CHTOP: variants seen among roughly 807,000 people sequenced by gnomAD.
CHTOP encodes the protein chromatin target of PRMT1.
Under a neutral mutation model 33.6 loss-of-function variants are expected in CHTOP, and 18 were observed. That is an observed-to-expected ratio of 0.54 (90% CI 0.37 to 0.80). CHTOP has a LOEUF of 0.80. Among genes scored for constraint, CHTOP ranks in the 30% least tolerant of loss-of-function variants. The probability of loss-of-function intolerance (pLI) is 0.00; values close to 1 mark genes in which losing one functional copy is unlikely to be tolerated. For synonymous variants in CHTOP, 117 were observed against 127.7 expected, an observed-to-expected ratio of 0.92 and a Z score of 0.56; for missense variants, 263 against 336.8, an observed-to-expected ratio of 0.78 and a Z score of 1.71.
chr1:153,643,295 G>T lies in CHTOP; in HGVS notation c.472G>T (p.Gly158Cys). Reference protein sequence around the residue: ...RMGLRRGGVRGRGGPGRGGLG... With the variant: ...RMGLRRGGVRCRGGPGRGGLG... ...GGGCTTAAGAAGAGGTGGTGTTCGA[G>T]GTCGTGGAGGTCCTGGGAGAGGGGG... The change falls in exon 5 of 6, where the codon GGT (glycine) becomes TGT (cysteine). Residue 158 changes from glycine to cysteine, a missense_variant. This residue lies in a region of CHTOP where 168 missense variants were observed against 179.9 expected (regional missense o/e 0.93). Coordinates refer to ENST00000368694, the MANE Select transcript of CHTOP (RefSeq NM_015607.4). 6.2e-7 allele frequency: 1 copy of T among 1,613,856 alleles called. No individual in the cohort carries two copies.
rs1044794724 is a variant in CHTOP, at chr1:153,636,625, A to T, written c.37A>T (p.Ser13Cys). 6.2e-7 allele frequency: 1 copy of T among 1,613,730 alleles called. No individual in the cohort carries two copies. The highest frequency in any genetic ancestry group is 8.5e-7 in the Non-Finnish European group (1 of 1,179,756). The stretch of plus-strand genomic sequence containing the variant: ...GTCAGCGCCGAAAGTTGTGCTAAAA[A>T]GCACCACCAAGATGTCTCTAAATGA... ...AQSAPKVVLKSTTKMSLNERF... is the reference protein window; with the variant it reads ...AQSAPKVVLKCTTKMSLNERF... The change falls in exon 2 of 6, where the codon AGC (serine) becomes TGC (cysteine). Residue 13 changes from serine to cysteine, a missense_variant. Coordinates refer to ENST00000368694, the MANE Select transcript of CHTOP (RefSeq NM_015607.4).
chr1:153,634,306 G>A lies in CHTOP; in HGVS notation c.-55G>A, dbSNP rs958415004. On this transcript the variant is annotated 5_prime_UTR_variant, in exon 1 of 6. Transcript: ENST00000368694. Reference sequence around the variant, plus strand: ...CCGGCCCGCCTGCCGGAGCCGTGGTGGCAGCCCCGGGAGGAGCACTGGCGT... The same window carrying A: ...CCGGCCCGCCTGCCGGAGCCGTGGTAGCAGCCCCGGGAGGAGCACTGGCGT... 6.5e-6 allele frequency: 1 copy of A among 152,934 alleles called. No individual in the cohort carries two copies. Among genetic ancestry groups the A allele is most frequent in the African/African-American group, 2.4e-5 (1 of 41,472 alleles). The allele number at this position is 152,934 out of a possible 1,614,324, so 9.5% of individuals were successfully genotyped here.
At chr1:153,638,923 C>G (rs1426350067) in intron 3 of CHTOP, among the ~76,000 whole-genome samples, 7 of 150,266 alleles carry the variant, frequency 4.7e-5, no homozygotes, top group Non-Finnish European at 1.0e-4. Flanking sequence ...CTCTGTCGCC[C>G]AGGCTGGAGT....
At chr1:153,638,955 A>C (rs900138357) in intron 3 of CHTOP, among the ~76,000 whole-genome samples, 1 of 148,178 alleles carries the variant, frequency 6.7e-6, no homozygotes, top group Admixed American at 6.9e-5. Flanking sequence ...ATCTCGGCTC[A>C]CTGCAAGCTC....
Position 153,634,083 on chromosome 1 carries a change from T to G in CHTOP, c.-278T>G, listed in dbSNP as rs1205728225. The G allele has an allele frequency of 2.0e-5, 3 of 152,802 alleles. No individual in the cohort carries two copies. Among genetic ancestry groups the G allele is most frequent in the Non-Finnish European group, 4.4e-5 (3 of 68,122 alleles). 9.5% of individuals were successfully genotyped at this position (152,802 alleles called of 1,614,324 possible). ...CACTGGACGTGGCGGCCATTTTGTTTTGGACACCGAGCAGGAGCTGGCGGC... is the reference window on the plus strand; with the variant it reads ...CACTGGACGTGGCGGCCATTTTGTTGTGGACACCGAGCAGGAGCTGGCGGC... On this transcript the variant is annotated 5_prime_UTR_variant, in exon 1 of 6. Transcript: ENST00000368694.
Position 153,640,250 on chromosome 1 carries a change from G to A in CHTOP, c.219+1802G>A, listed in dbSNP as rs998683418. ...AGCACTCTGGGAGGCCAAGGCAGGC[G>A]GATCACTTGAGGTCAGGAGTTTGAG... is the stretch of plus-strand genomic sequence containing the variant. On this transcript the variant is annotated intron_variant, in intron 3 of 5. Transcript: ENST00000368694. 2.6e-5 allele frequency among the ~76,000 whole-genome samples: 4 copies of A among 151,798 alleles called. 1 individual carries two copies. Among genetic ancestry groups the A allele is most frequent in the East Asian group, 3.9e-4 (2 of 5,160 alleles).
At position 153,645,094 on chromosome 1, in the gene CHTOP, G is replaced by T; in HGVS notation, c.572G>T (p.Gly191Val). Reference protein sequence around the residue: ...GRGMIGRGRGGFGGRGRGRGR... With the variant: ...GRGMIGRGRGVFGGRGRGRGR... ...GGTATGATAGGTCGGGGAAGAGGGGGCTTTGGAGGCCGAGGCCGAGGCCGT... is the reference window on the plus strand; with the variant it reads ...GGTATGATAGGTCGGGGAAGAGGGGTCTTTGGAGGCCGAGGCCGAGGCCGT... The change falls in exon 6 of 6, where the codon GGC becomes GTC. Residue 191 changes from glycine to valine, a missense_variant. Around this residue, in one of 3 missense-constraint regions of CHTOP, gnomAD observed 168 missense variants for 179.9 expected, o/e 0.93. Coordinates refer to ENST00000368694, the MANE Select transcript of CHTOP (RefSeq NM_015607.4). 1 of 1,613,374 alleles carries T rather than the reference G, an allele frequency of 6.2e-7. No homozygotes were observed. Among genetic ancestry groups the T allele is most frequent in the Admixed American group, 1.7e-5 (1 of 60,014 alleles).
intron 1 of CHTOP, among the ~76,000 whole-genome samples, chr1:153,635,173 C>T (rs149385274): frequency 5.8e-4 from 87 of 151,082 alleles, no homozygotes; most frequent in African/African-American, 2.0e-3. Context: ...CACTGTAGAT[C>T]AGTGGTTCTC....
chr1:153,638,171 A>C, intron 2 of CHTOP, 124 bp from the exon 3 acceptor site: 1 of 902,710 alleles, frequency 1.1e-6, no homozygotes. Context: ...GCCTTGATCT[A>C]AGTGTACCAC....
Position 153,641,727 on chromosome 1 carries a change from G to T in CHTOP, c.220-519G>T, listed in dbSNP as rs557865253. 2.6e-5 allele frequency among the ~76,000 whole-genome samples: 4 copies of T among 152,312 alleles called. No homozygotes were observed. The South Asian group carries it at 8.3e-4, about 32-fold the overall frequency. ...AAATGGAGCACACGGGCCTTTTTGA[G>T]AAATCAATCTTGTTCTTAAGTCACA... On this transcript the variant is annotated intron_variant, in intron 3 of 5. Transcript: ENST00000368694.
intron 4 of CHTOP, 126 bp downstream of exon 4, chr1:153,642,555 TCA>T (rs1668666128): frequency 1.4e-6 from 1 of 713,246 alleles, no homozygotes; most frequent in East Asian, 2.9e-5. Context: ...ACTTCTGAAA[TCA>T]CATATTTTTA....
rs1668571054 is a variant in CHTOP at position 153,640,264 on chromosome 1, C to T, written c.219+1816C>T. ...CCAAGGCAGGCGGATCACTTGAGGT[C>T]AGGAGTTTGAGACTAGCCTGGCCAA... is the stretch of plus-strand genomic sequence containing the variant. On this transcript the variant is annotated intron_variant, in intron 3 of 5. Transcript: ENST00000368694. Among the ~76,000 whole-genome samples, 11 of 150,794 alleles carry T rather than the reference C, an allele frequency of 7.3e-5. No individual in the cohort carries two copies. The South Asian group carries it at 2.1e-3, about 29-fold the overall frequency.
chr1:153,640,388 G>A (rs1330115357), intron 3 of CHTOP, among the ~76,000 whole-genome samples: 1 of 152,020 alleles, frequency 6.6e-6, no homozygotes, highest in African/African-American at 2.4e-5. Flanking sequence ...AGAATCTCTT[G>A]AACCCAGGAA....
At chr1:153,643,858 G>T in intron 5 of CHTOP, 1 of 152,556 alleles carries the variant, frequency 6.6e-6, no homozygotes, top group Non-Finnish European at 1.5e-5. Context: ...TTTGGTGCCT[G>T]TGGAGAACCA....
Position 153,642,377 on chromosome 1 carries a change from A to G in CHTOP, c.351A>G (p.Leu117=). Reference sequence around the variant, plus strand: ...AGAGAGGCTTGCCCAGAGGAGGACTACGTGGGGGACGTGCCACCAGAACCC... The same window carrying G: ...AGAGAGGCTTGCCCAGAGGAGGACTGCGTGGGGGACGTGCCACCAGAACCC... The part of the protein sequence containing the change: ...IIQRGLPRGG[L]RGGRATRTLL... Residue 117 remains leucine, a synonymous_variant, in exon 4 of 6, where the codon CTA becomes CTG. Transcript: ENST00000368694. The G allele has an allele frequency of 3.1e-6, 5 of 1,614,086 alleles. No individual in the cohort carries two copies.
At chr1:153,644,575 A>G (rs1185015132) in intron 5 of CHTOP, among the ~76,000 whole-genome samples, 1 of 152,244 alleles carries the variant, frequency 6.6e-6, no homozygotes, top group Non-Finnish European at 1.5e-5. Flanking sequence ...ATTAGACTTG[A>G]TAAGTTTAAG....
chr1:153,640,471 AAAT>A (rs201701142), intron 3 of CHTOP, among the ~76,000 whole-genome samples: 1 of 151,612 alleles, frequency 6.6e-6, no homozygotes, highest in East Asian at 1.9e-4. Flanking sequence ...TGTCTCAAGA[AAAT>A]AAGTAAAATT....
intron 1 of CHTOP, among the ~76,000 whole-genome samples, chr1:153,636,193 T>G (rs1668391572): frequency 6.6e-6 from 1 of 151,076 alleles, no homozygotes; most frequent in East Asian, 2.0e-4. Context: ...CCTCCCAAAG[T>G]GTTAGGGTTA....
chr1:153,645,150 G>A lies in CHTOP; in HGVS notation c.628G>A (p.Val210Ile). The change falls in exon 6 of 6, where the codon GTA becomes ATA. Residue 210 changes from valine to isoleucine, a missense_variant. Val to Ile is a conservative substitution (Grantham distance 29, BLOSUM62 3). This residue lies in a region of CHTOP where 168 missense variants were observed against 179.9 expected (regional missense o/e 0.93). Transcript: ENST00000368694. The stretch of plus-strand genomic sequence containing the variant: ...AGGGAGAGGTGCCCTTGCTCGCCCT[G>A]TATTGACCAAGGAGCAGCTGGACAA... Reference protein sequence around the residue: ...GRGRGALARPVLTKEQLDNQL... With the variant: ...GRGRGALARPILTKEQLDNQL... 1 of 1,614,094 alleles carries A rather than the reference G, an allele frequency of 6.2e-7. No homozygotes were observed. The highest frequency in any genetic ancestry group is 1.1e-5 in the South Asian group (1 of 91,078).
Sources: gnomAD v4.1 joint callset for allele counts (sites outside exome capture counted in the v4.1 genomes callset) on GRCh38, gnomAD v4.1.1 for gene constraint, gnomAD v4.1.1 regional missense constraint, MANE v1.5 for transcripts, NCBI Gene and HGNC (gene_info 2026-07-23, HGNC 2026-07-21) for gene names.